DMD: variants seen among roughly 807,000 people sequenced by gnomAD.
DMD encodes the protein mutant dystrophin.
In DMD, 63 loss-of-function variants were observed where a neutral mutation model predicts 330.1. The observed-to-expected ratio is 0.19, with a 90% CI of 0.16 to 0.24. The LOEUF (loss-of-function observed/expected upper bound fraction) is 0.24. Among genes scored for constraint, DMD ranks in the 10% least tolerant of loss-of-function variants. The pLI, the probability that DMD is intolerant of heterozygous loss-of-function variation, is 1.00. For synonymous variants in DMD, 1,223 were observed against 959.8 expected, an observed-to-expected ratio of 1.27 and a Z score of -5.07; for missense variants, 3,344 against 2,684.1, an observed-to-expected ratio of 1.25 and a Z score of -5.43.
intron 2 of DMD, among the ~76,000 whole-genome samples, chrX:32,887,765 A>AAAAAAAC (rs2084788276): frequency 9.9e-6 from 1 of 101,312 alleles, no homozygotes; most frequent in African/African-American, 3.7e-5. Context: ...AAAAAAAAAA[A>AAAAAAAC]AAAAAAAAAA....
chrX:32,270,464 A>C (rs1280780641), intron 43 of DMD, among the ~76,000 whole-genome samples: 2 of 111,550 alleles, frequency 1.8e-5, no homozygotes, highest in Non-Finnish European at 3.8e-5. Flanking sequence ...AAATTCTACT[A>C]GAATGGTGTG....
At chrX:32,488,615 G>T (rs1276625249) in intron 20 of DMD, among the ~76,000 whole-genome samples, 1 of 111,366 alleles carries the variant, frequency 9.0e-6, no homozygotes, top group Non-Finnish European at 1.9e-5. Context: ...GACACCAATG[G>T]GTCTGAGAGA....
At chrX:31,288,610 T>C (rs7051574) in intron 62 of DMD, among the ~76,000 whole-genome samples, 2 of 110,933 alleles carry the variant, frequency 1.8e-5, no homozygotes, top group Admixed American at 1.9e-4. Context: ...TATAGGGCCA[T>C]GTAGAGGTGG....
intron 1 of DMD, among the ~76,000 whole-genome samples, chrX:33,195,392 G>A (rs951264231): frequency 9.0e-6 from 1 of 111,202 alleles, no homozygotes; most frequent in African/African-American, 3.3e-5. Context: ...CAGCAGCCCT[G>A]GCATGCATGC....
At chrX:31,408,810 G>A in intron 60 of DMD, among the ~76,000 whole-genome samples, 1 of 111,828 alleles carries the variant, frequency 8.9e-6, no homozygotes, top group Non-Finnish European at 1.9e-5. Flanking sequence ...TATACTTAAA[G>A]TTTTAGGGTA....
chrX:32,290,810 T>C (rs1387280919), intron 42 of DMD, among the ~76,000 whole-genome samples: 1 of 111,562 alleles, frequency 9.0e-6, no homozygotes, highest in African/African-American at 3.3e-5. Flanking sequence ...GTTTGAAGAA[T>C]TGAAGAAAAA....
At chrX:31,659,060 G>A (rs1011536443) in intron 53 of DMD, among the ~76,000 whole-genome samples, 22 of 111,590 alleles carry the variant, frequency 2.0e-4, no homozygotes, top group Non-Finnish European at 3.8e-4. Flanking sequence ...TAACTTTCAA[G>A]TAATAAAAAA....
chrX:31,435,865 C>T (rs933884094), intron 60 of DMD, among the ~76,000 whole-genome samples: 6 of 111,238 alleles, frequency 5.4e-5, no homozygotes, highest in Non-Finnish European at 9.4e-5. Context: ...AAGGGTGGGG[C>T]GGGGTCAAAC....
At chrX:32,078,422 C>T (rs1453044905) in intron 44 of DMD, among the ~76,000 whole-genome samples, 5 of 111,864 alleles carry the variant, frequency 4.5e-5, no homozygotes, top group East Asian at 2.8e-4. Context: ...CCCTACATTC[C>T]GTTTTCGATA....
intron 62 of DMD, among the ~76,000 whole-genome samples, chrX:31,315,477 G>T (rs1018552626): frequency 1.8e-5 from 2 of 112,352 alleles, no homozygotes; most frequent in African/African-American, 3.2e-5. Flanking sequence ...GTGACTACTG[G>T]TTTTTTTCTA....
At chrX:31,661,177 T>C (rs1357658859) in intron 53 of DMD, among the ~76,000 whole-genome samples, 1 of 111,777 alleles carries the variant, frequency 8.9e-6, no homozygotes, top group East Asian at 2.8e-4. Context: ...TCTGCAAAAT[T>C]GTATTCACAG....
chrX:31,760,066 T>C (rs1208487597), intron 51 of DMD, among the ~76,000 whole-genome samples: 1 of 111,527 alleles, frequency 9.0e-6, no homozygotes, highest in East Asian at 2.8e-4. Flanking sequence ...TCAGTGACCT[T>C]ACTATGGAGA....
At chrX:31,539,736 T>C (rs1054128537) in intron 55 of DMD, among the ~76,000 whole-genome samples, 1 of 111,947 alleles carries the variant, frequency 8.9e-6, no homozygotes, top group African/African-American at 3.2e-5. Context: ...TCTATACAAA[T>C]GGCAGCAGAA....
At chrX:32,657,104 T>A (rs2060630950) in intron 9 of DMD, among the ~76,000 whole-genome samples, 1 of 110,415 alleles carries the variant, frequency 9.1e-6, no homozygotes, top group South Asian at 3.8e-4. Context: ...ACTTTCTAAC[T>A]TATTTTATAT....
intron 9 of DMD, among the ~76,000 whole-genome samples, chrX:32,690,350 A>AC (rs2063186274): frequency 9.0e-6 from 1 of 111,637 alleles, no homozygotes; most frequent in African/African-American, 3.2e-5. Flanking sequence ...GAAAGAAATT[A>AC]AAGATGACAA....
chrX:32,290,461 T>C (rs2097462334), intron 42 of DMD, among the ~76,000 whole-genome samples: 1 of 112,443 alleles, frequency 8.9e-6, no homozygotes, highest in South Asian at 3.6e-4. Context: ...GTTGAATAAA[T>C]GAATAGATGG....
chrX:31,345,744 T>A (rs1239170376), intron 61 of DMD, among the ~76,000 whole-genome samples: 1 of 111,479 alleles, frequency 9.0e-6, no homozygotes, highest in Non-Finnish European at 1.9e-5. Context: ...CTAGAGCCGT[T>A]CCTAAAAGCC....
chrX:32,801,507 A>G (rs1415087557), intron 7 of DMD, among the ~76,000 whole-genome samples: 2 of 111,570 alleles, frequency 1.8e-5, no homozygotes, highest in African/African-American at 6.5e-5. Context: ...TGCAGGAGCT[A>G]TTTAGTAAGA....
chrX:33,108,455 C>T (rs1343876864), intron 1 of DMD, among the ~76,000 whole-genome samples: 2 of 49,286 alleles, frequency 4.1e-5, no homozygotes, highest in African/African-American at 1.6e-4. Flanking sequence ...TTAGTACAGA[C>T]GGGGTTTCAC....
Sources: allele counts gnomAD v4.1 joint callset (sites outside exome capture counted in the v4.1 genomes callset), GRCh38; gene constraint gnomAD v4.1.1; transcripts MANE v1.5; gene names NCBI Gene and HGNC (gene_info 2026-07-23, HGNC 2026-07-21).